CD300LB: variants seen among roughly 807,000 people sequenced by gnomAD.
CD300LB encodes the protein CD300 molecule like family member b, also known as CMRF35-like molecule 7.
Under a neutral mutation model 20.8 loss-of-function variants are expected in CD300LB, and 18 were observed. The observed-to-expected ratio is 0.87, with a 90% CI of 0.60 to 1.28. The LOEUF (loss-of-function observed/expected upper bound fraction) is 1.28. CD300LB is among the 50% of genes most tolerant of loss of function. CD300LB has a pLI of 0.00. For synonymous variants in CD300LB, 91 were observed against 91.3 expected (o/e 1.00, Z 0.02); for missense variants, 222 against 251.8 (o/e 0.88, Z 0.80).
chr17:74,527,283 A>C (rs538932715), intron 1 of CD300LB, among the ~76,000 whole-genome samples: 1 of 152,038 alleles, frequency 6.6e-6, no homozygotes, highest in African/African-American at 2.4e-5. Context: ...CTTGGCAATG[A>C]CACGGGTTTC....
At chr17:74,525,679 C>T (rs1908008491) in intron 2 of CD300LB, 69 bp downstream of exon 2, 2 of 1,311,124 alleles carry the variant, frequency 1.5e-6, no homozygotes, top group South Asian at 1.3e-5. Context: ...TGGAGGGGAG[C>T]AGGTAAGAGC....
At chr17:74,525,345 G>A (rs1346186700) in intron 2 of CD300LB, among the ~76,000 whole-genome samples, 3 of 152,088 alleles carry the variant, frequency 2.0e-5, no homozygotes, top group African/African-American at 7.2e-5. Flanking sequence ...GGAGGGTGTT[G>A]TAAGACACCC....
chr17:74,522,288 C>T lies in CD300LB; in HGVS notation c.*450G>A, dbSNP rs148877799. 323 of 987,572 alleles carry T rather than the reference C, an allele frequency of 3.3e-4. 1 individual carries two copies. The Middle Eastern group carries it at 3.6e-3, about 11-fold the overall frequency. The allele number at this position is 987,572 out of a possible 1,614,324, so 61.2% of individuals were successfully genotyped here. A position where few individuals can be genotyped will look rare whatever the true frequency, so the allele number is the denominator to read the frequency against. ...TTCCTATGAACATAAGTCATTAAAA[C>T]CCAACTTTGCTAGAAAAAAAAAAAT... On this transcript the variant is annotated 3_prime_UTR_variant, in exon 4 of 4. Coordinates refer to ENST00000392621, the MANE Select transcript of CD300LB (RefSeq NM_174892.4).
chr17:74,526,074 C>G lies in CD300LB; in HGVS notation c.44G>C (p.Cys15Ser). 6.2e-7 allele frequency: 1 copy of G among 1,612,260 alleles called. No individual in the cohort carries two copies. The highest frequency in any genetic ancestry group is 2.2e-5 in the East Asian group (1 of 44,826). ...PALLLLSLSGCFSIQGPESVR... is the reference protein window; with the variant it reads ...PALLLLSLSGSFSIQGPESVR... Reference sequence around the variant, plus strand: ...AGACTCTGGGCCTTGGATGGAGAAACAGCCTGGAAAACAGAATCCCAAGAT... The same window carrying G: ...AGACTCTGGGCCTTGGATGGAGAAAGAGCCTGGAAAACAGAATCCCAAGAT... The change falls in exon 2 of 4, where the codon TGT (cysteine) becomes TCT (serine). Residue 15 changes from cysteine to serine, a missense_variant. Transcript: ENST00000392621.
intron 3 of CD300LB, chr17:74,523,222 A>G: frequency 2.0e-6 from 1 of 502,912 alleles, no homozygotes; most frequent in Non-Finnish European, 3.6e-6. Flanking sequence ...TGCTAATGCT[A>G]GCTCCAGGCT....
Position 74,521,765 on chromosome 17 carries a change from T to A in CD300LB, c.*973A>T, listed in dbSNP as rs1041686135. On this transcript the variant is annotated 3_prime_UTR_variant, in exon 4 of 4. Coordinates refer to ENST00000392621, the MANE Select transcript of CD300LB (RefSeq NM_174892.4). ...GCACATCTCACATGGGAAGGTCCCT[T>A]TGGTGTGAGGGTCCCTCAACCATAC... 8 of 985,466 alleles carry A rather than the reference T, an allele frequency of 8.1e-6. No individual in the cohort carries two copies. In the African/African-American group the frequency reaches 1.2e-4, roughly 15 times the overall value. The allele number at this position is 985,466 out of a possible 1,614,324, so 61.0% of individuals were successfully genotyped here.
chr17:74,529,541 C>G (rs922569949), intron 1 of CD300LB, among the ~76,000 whole-genome samples: 3 of 152,100 alleles, frequency 2.0e-5, no homozygotes, highest in Non-Finnish European at 4.4e-5. Context: ...CCTGTATTCC[C>G]GCACTTTGGG....
At chr17:74,523,405 G>A (rs916887546) in intron 3 of CD300LB, 174 bp downstream of exon 3, 1 of 623,678 alleles carries the variant, frequency 1.6e-6, no homozygotes. Context: ...GAGCTAGAGT[G>A]GGGAGATGGT....
chr17:74,530,941 C>T, intron 1 of CD300LB, among the ~76,000 whole-genome samples: 1 of 152,094 alleles, frequency 6.6e-6, no homozygotes, highest in South Asian at 2.1e-4. Context: ...GTAGCTGGGA[C>T]TACAGGCACG....
Position 74,521,737 on chromosome 17 carries a change from G to A in CD300LB, c.*1001C>T. The A allele has an allele frequency of 1.0e-6, 1 of 985,626 alleles. No individual in the cohort carries two copies. The highest frequency in any genetic ancestry group is 1.2e-6 in the Non-Finnish European group (1 of 830,076). 61.1% of individuals were successfully genotyped at this position (985,626 alleles called of 1,614,324 possible). A position where few individuals can be genotyped will look rare whatever the true frequency, so the allele number is the denominator to read the frequency against. ...GTTTGCTTGTGGGCAGGTGGGGGCG[G>A]GAGCACATCTCACATGGGAAGGTCC... On this transcript the variant is annotated 3_prime_UTR_variant, in exon 4 of 4. Transcript: ENST00000392621.
At chr17:74,527,213 A>G (rs1392645672) in intron 1 of CD300LB, among the ~76,000 whole-genome samples, 1 of 152,262 alleles carries the variant, frequency 6.6e-6, no homozygotes, top group Non-Finnish European at 1.5e-5. Context: ...GCATAATCAA[A>G]TGGCAGTCCG....
chr17:74,530,070 G>A (rs997386068), intron 1 of CD300LB, among the ~76,000 whole-genome samples: 1 of 152,212 alleles, frequency 6.6e-6, no homozygotes, highest in African/African-American at 2.4e-5. Flanking sequence ...GAAATGACAG[G>A]GCAGCCGTCA....
intron 3 of CD300LB, 78 bp from the exon 4 acceptor site, chr17:74,522,978 A>G: frequency 2.8e-6 from 4 of 1,411,690 alleles, no homozygotes; most frequent in Non-Finnish European, 3.9e-6. Context: ...CCTGTGAGCC[A>G]CCAGCCAAAG....
At chr17:74,525,687 A>G in intron 2 of CD300LB, 61 bp downstream of exon 2, 1 of 1,436,234 alleles carries the variant, frequency 7.0e-7, no homozygotes, top group Non-Finnish European at 9.7e-7. Context: ...AGCAGGTAAG[A>G]GCACTGACTT....
chr17:74,527,713 G>A (rs1908077765), intron 1 of CD300LB, among the ~76,000 whole-genome samples: 1 of 152,136 alleles, frequency 6.6e-6, no homozygotes, highest in Non-Finnish European at 1.5e-5. Context: ...GCTTTGAAGT[G>A]GAAGAAGAGG....
chr17:74,528,626 G>C (rs1413273709), intron 1 of CD300LB, among the ~76,000 whole-genome samples: 2 of 144,650 alleles, frequency 1.4e-5, no homozygotes, highest in Non-Finnish European at 3.0e-5. Context: ...TCCTAGAGAT[G>C]CTCCTCAGTT....
chr17:74,528,293 T>C (rs965587012), intron 1 of CD300LB, among the ~76,000 whole-genome samples: 1 of 152,120 alleles, frequency 6.6e-6, no homozygotes, highest in African/African-American at 2.4e-5. Flanking sequence ...CGGATCCTGG[T>C]GCCAAAAAGG....
At chr17:74,525,434 T>C (rs1907999623) in intron 2 of CD300LB, among the ~76,000 whole-genome samples, 1 of 152,026 alleles carries the variant, frequency 6.6e-6, no homozygotes, top group African/African-American at 2.4e-5. Context: ...TTCTCTGCCA[T>C]GTCATGAGCA....
chr17:74,528,312 C>T (rs1213651127), intron 1 of CD300LB, among the ~76,000 whole-genome samples: 1 of 152,058 alleles, frequency 6.6e-6, no homozygotes, highest in Non-Finnish European at 1.5e-5. Flanking sequence ...GGTTGGGGAC[C>T]ACTGCTCTAA....
Sources: allele counts gnomAD v4.1 joint callset (sites outside exome capture counted in the v4.1 genomes callset), GRCh38; gene constraint gnomAD v4.1.1; transcripts MANE v1.5; gene names NCBI Gene and HGNC (gene_info 2026-07-23, HGNC 2026-07-21).